SOX5: variants seen among roughly 807,000 people sequenced by gnomAD.
The protein encoded by SOX5 is transcription factor SOX-5.
Under a neutral mutation model 92.0 loss-of-function variants are expected in SOX5, and 9 were observed. The observed-to-expected ratio is 0.10, with a 90% CI of 0.06 to 0.17. The LOEUF is 0.17. Among genes scored for constraint, SOX5 ranks in the 10% least tolerant of loss-of-function variants. The pLI is 1.00. For missense variants in SOX5, 642 were observed against 944.5 expected (o/e 0.68, Z 4.20); for synonymous variants, 344 against 336.3 (o/e 1.02, Z -0.25).
Position 24,393,970 on chromosome 12 carries a change from G to A in SOX5, c.-250-25331C>T, listed in dbSNP as rs768277511. 3.3e-5 allele frequency among the ~76,000 whole-genome samples: 5 copies of A among 152,182 alleles called. No individual in the cohort carries two copies. Among genetic ancestry groups the A allele is most frequent in the South Asian group, 2.1e-4 (1 of 4,820 alleles). On this transcript the variant is annotated intron_variant, in intron 1 of 4. Coordinates refer to the SOX5 transcript ENST00000446891. The surrounding 1 kb of genome is among the most constrained non-coding windows in gnomAD (Gnocchi z 5.0). Reference sequence around the variant, plus strand: ...ACCCTGCGTGGGGAAAAATAAAACCGTGAGTGGCTGAAGAACACACAATAG... The same window carrying A: ...ACCCTGCGTGGGGAAAAATAAAACCATGAGTGGCTGAAGAACACACAATAG...
chr12:24,105,497 T>G (rs960414466), intron 4 of SOX5, among the ~76,000 whole-genome samples: 1 of 152,108 alleles, frequency 6.6e-6, no homozygotes, highest in South Asian at 2.1e-4. Flanking sequence ...GCCGAGATCA[T>G]GCCACTGCAC....
At chr12:24,288,628 G>C (rs1031878230) in intron 2 of SOX5, among the ~76,000 whole-genome samples, 1 of 152,126 alleles carries the variant, frequency 6.6e-6, no homozygotes, top group Admixed American at 6.5e-5. Flanking sequence ...AATGGAGAAA[G>C]TCAGAATTAC....
At chr12:24,395,776 C>A (rs905796527) in intron 1 of SOX5, among the ~76,000 whole-genome samples, 3 of 152,202 alleles carry the variant, frequency 2.0e-5, no homozygotes, top group African/African-American at 7.2e-5. Context: ...TGTCACACCC[C>A]TGCTTCTAAT....
chr12:23,916,980 T>C (rs1360513196), intron 1 of SOX5, among the ~76,000 whole-genome samples: 1 of 152,116 alleles, frequency 6.6e-6, no homozygotes, highest in African/African-American at 2.4e-5. Flanking sequence ...TCTAAGAAAA[T>C]TGTTGAAAGG....
chr12:23,547,895 T>C (rs1943443160), intron 11 of SOX5, among the ~76,000 whole-genome samples: 1 of 152,098 alleles, frequency 6.6e-6, no homozygotes, highest in African/African-American at 2.4e-5. Flanking sequence ...TTTGGATGTC[T>C]TTTGCTGAGA....
At chr12:23,841,718 T>A (rs1020913446) in intron 3 of SOX5, among the ~76,000 whole-genome samples, 5 of 152,116 alleles carry the variant, frequency 3.3e-5, no homozygotes, top group Non-Finnish European at 7.4e-5. Context: ...ATTATTCTGA[T>A]TATATGGTTT....
At chr12:23,581,227 T>C (rs1041490188) in intron 9 of SOX5, among the ~76,000 whole-genome samples, 1 of 152,030 alleles carries the variant, frequency 6.6e-6, no homozygotes, top group Non-Finnish European at 1.5e-5. Flanking sequence ...ATAACAGAGA[T>C]CCAATCATCC....
At chr12:23,874,375 A>G (rs1455877538) in intron 2 of SOX5, among the ~76,000 whole-genome samples, 2 of 152,170 alleles carry the variant, frequency 1.3e-5, no homozygotes, top group Non-Finnish European at 2.9e-5. Context: ...ACTTGAGGCA[A>G]TCAAGTTTAG....
chr12:24,260,400 GAGTTA>G (rs1358266956), intron 3 of SOX5, among the ~76,000 whole-genome samples: 1 of 152,178 alleles, frequency 6.6e-6, no homozygotes, highest in Admixed American at 6.5e-5. Context: ...TGACTTAAAA[GAGTTA>G]ATCCATAGAA....
intron 9 of SOX5, among the ~76,000 whole-genome samples, chr12:23,581,570 T>C (rs767888595): frequency 2.6e-5 from 4 of 152,100 alleles, no homozygotes; most frequent in Admixed American, 6.6e-5. Context: ...AACAGATGCA[T>C]TTATCCAATC....
intron 3 of SOX5, among the ~76,000 whole-genome samples, chr12:24,236,243 AAC>A (rs1964488832): frequency 6.6e-6 from 1 of 152,062 alleles, no homozygotes; most frequent in Admixed American, 6.6e-5. Context: ...ATAAAGAAGT[AAC>A]AGTGACGAAT....
chr12:23,897,861 T>C (rs757951899), intron 1 of SOX5, among the ~76,000 whole-genome samples: 1 of 152,150 alleles, frequency 6.6e-6, no homozygotes, highest in Non-Finnish European at 1.5e-5. Context: ...CATGTCAGCA[T>C]TGTCTAAAGG....
intron 1 of SOX5, among the ~76,000 whole-genome samples, chr12:24,369,134 T>TC (rs1363142448): frequency 6.6e-6 from 1 of 152,090 alleles, no homozygotes; most frequent in African/African-American, 2.4e-5. Flanking sequence ...GTCTTCATCT[T>TC]CCCCCTTCCC....
At position 23,859,233 on chromosome 12, in the gene SOX5, A is replaced by G. The variant is rs1185841821; in HGVS notation, c.271-13040T>C. 6.6e-5 allele frequency among the ~76,000 whole-genome samples: 10 copies of G among 152,192 alleles called. 1 individual carries two copies. Among genetic ancestry groups the G allele is most frequent in the Admixed American group, 6.5e-4 (10 of 15,270 alleles). ...TTTTCATCTCACAGAGAGCCTATAG[A>G]TGGACATATGAGTAGGAGAACTATC... On this transcript the variant is annotated intron_variant, in intron 2 of 14. Coordinates refer to ENST00000451604, the MANE Select transcript of SOX5 (RefSeq NM_006940.6).
intron 2 of SOX5, among the ~76,000 whole-genome samples, chr12:23,852,235 A>T (rs1334695324): frequency 6.6e-6 from 1 of 152,060 alleles, no homozygotes; most frequent in Admixed American, 6.6e-5. Flanking sequence ...ATGAGTTCTA[A>T]TTTTTTCTAA....
intron 4 of SOX5, among the ~76,000 whole-genome samples, chr12:24,160,552 T>C (rs1952651459): frequency 6.6e-6 from 1 of 152,032 alleles, no homozygotes; most frequent in Non-Finnish European, 1.5e-5. Context: ...TTAGAAGTGA[T>C]ATTCTGTTAT....
At chr12:24,350,774 T>C (rs969016377) in intron 2 of SOX5, among the ~76,000 whole-genome samples, 5 of 152,172 alleles carry the variant, frequency 3.3e-5, no homozygotes, top group African/African-American at 9.7e-5. Context: ...TAAATAAGGC[T>C]AGGTGCAGTG....
rs1591789430 is a variant in SOX5 at position 23,529,571 on chromosome 12, A to C, written c.*4648T>G. On this transcript the variant is annotated 3_prime_UTR_variant, in exon 15 of 15. Transcript: ENST00000451604. ...GTAATACTGAAAAAGGAGAATGCAAAAAAATAAAATAAAATAAACAAAAAA... is the reference window on the plus strand; with the variant it reads ...GTAATACTGAAAAAGGAGAATGCAACAAAATAAAATAAAATAAACAAAAAA... 1 of 152,284 alleles carries C rather than the reference A, an allele frequency of 6.6e-6. No homozygotes were observed. The highest frequency in any genetic ancestry group is 1.9e-4 in the East Asian group (1 of 5,188). 9.4% of individuals were successfully genotyped at this position (152,284 alleles called of 1,614,324 possible).
intron 2 of SOX5, among the ~76,000 whole-genome samples, chr12:24,360,610 GT>G (rs1955437212): frequency 6.6e-6 from 1 of 152,162 alleles, no homozygotes; most frequent in Admixed American, 6.5e-5. Flanking sequence ...CAGCCTCGAG[GT>G]TTTTTGTCTG....
Sources: gnomAD v4.1 joint callset for allele counts (sites outside exome capture counted in the v4.1 genomes callset) on GRCh38, gnomAD v4.1.1 for gene constraint, Gnocchi (gnomAD v3.1) non-coding constraint, MANE v1.5 for transcripts, NCBI Gene and HGNC (gene_info 2026-07-23, HGNC 2026-07-21) for gene names.